IL7: variants seen among roughly 807,000 people sequenced by gnomAD.
IL7 encodes interleukin 7, also known as interleukin-7.
In IL7, 3 loss-of-function variants were observed where a neutral mutation model predicts 21.6. The observed-to-expected ratio is 0.14, with a 90% CI of 0.06 to 0.36. The LOEUF (loss-of-function observed/expected upper bound fraction) is 0.36. IL7 is among the 10% of genes least tolerant of loss of function. The pLI is 1.00. For missense variants in IL7, 175 were observed against 200.2 expected (o/e 0.87, Z 0.76); for synonymous variants, 62 against 68.1 (o/e 0.91, Z 0.44).
At chr8:78,717,285 C>G (rs772136937), downstream of IL7, 4 of 1,563,582 alleles carry the variant, frequency 2.6e-6, no homozygotes, top group South Asian at 4.9e-5. Flanking sequence ...TTGAAAACTA[C>G]TGATACAAAC....
Position 78,781,501 on chromosome 8 carries a change from T to C in IL7, c.147+16571A>G, listed in dbSNP as rs187817081. On this transcript the variant is annotated intron_variant, in intron 2 of 5. Transcript: ENST00000263851. ...AGCTTAGTTTCACTGGATATGAAATTCTGGTTAGAAACATTTTTCTTTTAA... is the reference window on the plus strand; with the variant it reads ...AGCTTAGTTTCACTGGATATGAAATCCTGGTTAGAAACATTTTTCTTTTAA... 4.7e-4 allele frequency among the ~76,000 whole-genome samples: 71 copies of C among 152,348 alleles called. No individual in the cohort carries two copies. The East Asian group carries it at 0.014, about 29-fold the overall frequency.
intron 2 of IL7, among the ~76,000 whole-genome samples, chr8:78,777,112 G>A (rs960099283): frequency 1.3e-5 from 2 of 151,952 alleles, no homozygotes; most frequent in Non-Finnish European, 2.9e-5. Flanking sequence ...TGTCTTCATC[G>A]GTTGTCTAGT....
chr8:78,690,446 G>A (rs1201788517), intron 3 of IL7, among the ~76,000 whole-genome samples: 1 of 151,944 alleles, frequency 6.6e-6, no homozygotes, highest in South Asian at 2.1e-4. Context: ...TGTAGTCCCA[G>A]CTACTTGGGA....
chr8:78,683,342 T>A (rs117273873), intron 4 of IL7, among the ~76,000 whole-genome samples: 108 of 152,356 alleles, frequency 7.1e-4, no homozygotes, highest in Non-Finnish European at 1.3e-3. Context: ...TCCAGGTGTT[T>A]CCATACATTC....
At chr8:78,762,848 G>A (rs889770493) in intron 2 of IL7, among the ~76,000 whole-genome samples, 2 of 151,882 alleles carry the variant, frequency 1.3e-5, no homozygotes, top group African/African-American at 4.8e-5. Flanking sequence ...TATTTCTCAT[G>A]TCCTTACCTT....
chr8:78,712,586 G>A (rs943533289), intron 3 of IL7, among the ~76,000 whole-genome samples: 2 of 152,120 alleles, frequency 1.3e-5, no homozygotes, highest in African/African-American at 4.8e-5. Flanking sequence ...CTTTTTGTTA[G>A]ATGGTTGTAA....
At chr8:78,696,919 T>G (rs1401945596) in intron 3 of IL7, among the ~76,000 whole-genome samples, 1 of 152,198 alleles carries the variant, frequency 6.6e-6, no homozygotes, top group Non-Finnish European at 1.5e-5. Flanking sequence ...CTAATGTTTG[T>G]TTGGTGTTTA....
chr8:78,750,619 C>T (rs936995222), intron 2 of IL7, among the ~76,000 whole-genome samples: 1 of 152,106 alleles, frequency 6.6e-6, no homozygotes, highest in African/African-American at 2.4e-5. Context: ...GTCAGGAGAT[C>T]GAGACCATCC....
downstream of IL7, among the ~76,000 whole-genome samples, chr8:78,715,667 T>C (rs146265574): frequency 3.6e-4 from 55 of 152,236 alleles, no homozygotes; most frequent in East Asian, 0.011. Context: ...ACTGCAGATG[T>C]ACTAGCAAAA....
intron 3 of IL7, chr8:78,697,647 A>T: frequency 3.1e-6 from 2 of 652,792 alleles, no homozygotes; most frequent in Non-Finnish European, 5.0e-6. Flanking sequence ...TTATTTTTTA[A>T]AATAAGATAA....
downstream of IL7, among the ~76,000 whole-genome samples, chr8:78,713,678 A>C (rs753584414): frequency 6.6e-6 from 1 of 152,138 alleles, no homozygotes; most frequent in Non-Finnish European, 1.5e-5. Flanking sequence ...TTGCTTGTTG[A>C]AGTTTAGAAG....
chr8:78,691,660 T>C (rs1361778715), intron 3 of IL7, among the ~76,000 whole-genome samples: 1 of 152,172 alleles, frequency 6.6e-6, no homozygotes, highest in Non-Finnish European at 1.5e-5. Flanking sequence ...CTTTTCCCTT[T>C]TGTCTTCATA....
At chr8:78,689,367 A>T (rs373470064) in intron 3 of IL7, 74 of 1,582,066 alleles carry the variant, frequency 4.7e-5, no homozygotes, top group Non-Finnish European at 6.3e-5. Context: ...CTTCTCGGAC[A>T]CAGGTGGTAA....
chr8:78,799,501 T>C (rs1563440860), intron 1 of IL7, among the ~76,000 whole-genome samples: 1 of 152,188 alleles, frequency 6.6e-6, no homozygotes, highest in Non-Finnish European at 1.5e-5. Context: ...GATAATTTTA[T>C]TTATACAAAT....
At chr8:78,676,762 AT>A (rs886668332) in intron 4 of IL7, among the ~76,000 whole-genome samples, 1 of 151,724 alleles carries the variant, frequency 6.6e-6, no homozygotes, top group Non-Finnish European at 1.5e-5. Flanking sequence ...ACATTCAATG[AT>A]TTTTTTCTTA....
intron 2 of IL7, chr8:78,746,995 T>G (rs1309329661): frequency 4.4e-6 from 2 of 456,208 alleles, no homozygotes; most frequent in South Asian, 3.1e-5. Flanking sequence ...TTACTCTTCA[T>G]GGTCACATGT....
chr8:78,804,480 A>G (rs942900544), intron 1 of IL7, among the ~76,000 whole-genome samples: 4 of 152,086 alleles, frequency 2.6e-5, no homozygotes, highest in African/African-American at 9.7e-5. Context: ...TCACTTCTCT[A>G]GGGAGTTCTG....
chr8:78,804,504 C>T (rs1257484815), intron 1 of IL7, among the ~76,000 whole-genome samples: 1 of 152,190 alleles, frequency 6.6e-6, no homozygotes, highest in Non-Finnish European at 1.5e-5. Flanking sequence ...TGCAAGAGCC[C>T]AGCTACTCGC....
At chr8:78,776,720 A>C (rs369268637) in intron 2 of IL7, among the ~76,000 whole-genome samples, 23 of 152,218 alleles carry the variant, frequency 1.5e-4, no homozygotes, top group African/African-American at 5.5e-4. Context: ...TACATATATT[A>C]GCCCATTTAA....
Sources: allele counts gnomAD v4.1 joint callset (sites outside exome capture counted in the v4.1 genomes callset), GRCh38; gene constraint gnomAD v4.1.1; transcripts MANE v1.5; gene names NCBI Gene and HGNC (gene_info 2026-07-23, HGNC 2026-07-21).